Variants in IFT57 observed in about 807,000 individuals in gnomAD.
IFT57 encodes the protein intraflagellar transport 57, also known as intraflagellar transport protein 57 homolog.
Under a neutral mutation model 56.8 loss-of-function variants are expected in IFT57, and 59 were observed. The ratio of observed to expected loss-of-function variants is 1.04; its 90% CI spans 0.84 to 1.29. IFT57 has a LOEUF of 1.29. Among genes scored for constraint, IFT57 ranks in the 50% most tolerant of loss-of-function variants. The pLI is 0.00. For synonymous variants in IFT57, 209 were observed against 186.1 expected (o/e 1.12, Z -1.00); for missense variants, 470 against 522.1 (o/e 0.90, Z 0.97).
rs531579910 is a variant in IFT57, at chr3:108,194,760, A to G, written c.655-3117T>C. On this transcript the variant is annotated intron_variant, in intron 5 of 10. Coordinates refer to ENST00000264538, the MANE Select transcript of IFT57 (RefSeq NM_018010.4). ...GTGGAAAGGACAGTCTCTTCAATAC[A>G]TGGTGCTGGAAAAACTGGATATTCA... Among the ~76,000 whole-genome samples the G allele has an allele frequency of 2.6e-5, 4 of 152,322 alleles. No individual in the cohort carries two copies. In the East Asian group the frequency reaches 7.7e-4, roughly 29 times the overall value.
chr3:108,193,762 C>T (rs760326384), intron 5 of IFT57, among the ~76,000 whole-genome samples: 20 of 151,956 alleles, frequency 1.3e-4, no homozygotes, highest in African/African-American at 4.4e-4. Context: ...TGTGTCAAAA[C>T]CTAAAGCAAT....
At chr3:108,207,020 C>T (rs553070545) in intron 4 of IFT57, among the ~76,000 whole-genome samples, 26 of 152,196 alleles carry the variant, frequency 1.7e-4, no homozygotes, top group African/African-American at 6.3e-4. Flanking sequence ...GGGCAAGAAA[C>T]AAACCCAAGT....
At chr3:108,190,013 C>T (rs2080206299) in intron 6 of IFT57, among the ~76,000 whole-genome samples, 1 of 152,038 alleles carries the variant, frequency 6.6e-6, no homozygotes, top group African/African-American at 2.4e-5. Flanking sequence ...CTTGCTGTCT[C>T]AGAGGTGGCA....
At chr3:108,198,002 A>G (rs947645437) in intron 5 of IFT57, among the ~76,000 whole-genome samples, 2 of 152,210 alleles carry the variant, frequency 1.3e-5, no homozygotes, top group African/African-American at 4.8e-5. Context: ...AGTTATTATC[A>G]TTACTATTAC....
At chr3:108,179,677 A>C in intron 6 of IFT57, among the ~76,000 whole-genome samples, 1 of 152,004 alleles carries the variant, frequency 6.6e-6, no homozygotes, top group East Asian at 1.9e-4. Flanking sequence ...AAAGAGAGTG[A>C]GACTGTCTAT....
intron 5 of IFT57, among the ~76,000 whole-genome samples, chr3:108,201,513 C>A (rs1254641481): frequency 2.6e-5 from 4 of 152,072 alleles, no homozygotes; most frequent in Non-Finnish European, 1.5e-5. Flanking sequence ...ATAATGTGTC[C>A]CATCACACTC....
intron 6 of IFT57, among the ~76,000 whole-genome samples, chr3:108,181,572 T>A (rs2080151202): frequency 6.6e-6 from 1 of 152,140 alleles, no homozygotes; most frequent in South Asian, 2.1e-4. Context: ...AAAATGTATG[T>A]GTGTCTAGTT....
chr3:108,183,147 T>C (rs2108314516), intron 6 of IFT57, among the ~76,000 whole-genome samples: 1 of 152,182 alleles, frequency 6.6e-6, no homozygotes, highest in Middle Eastern at 3.4e-3. Flanking sequence ...ATAAATATTA[T>C]TAATGATTAT....
At chr3:108,193,213 T>C (rs111678683) in intron 5 of IFT57, among the ~76,000 whole-genome samples, 9 of 152,338 alleles carry the variant, frequency 5.9e-5, no homozygotes, top group South Asian at 2.1e-4. Flanking sequence ...AGAAGATTAA[T>C]CTTACATTAG....
chr3:108,164,547 T>TA (rs1317618564), intron 9 of IFT57, among the ~76,000 whole-genome samples: 3 of 150,936 alleles, frequency 2.0e-5, no homozygotes, highest in African/African-American at 7.3e-5. Context: ...TCTGAAATGT[T>TA]ACAACTGGGG....
At chr3:108,205,818 T>C (rs1443640338) in intron 5 of IFT57, among the ~76,000 whole-genome samples, 1 of 103,432 alleles carries the variant, frequency 9.7e-6, no homozygotes, top group African/African-American at 3.3e-5. Context: ...TAGCATATTA[T>C]ATATTATTTA....
intron 3 of IFT57, among the ~76,000 whole-genome samples, chr3:108,215,953 C>T (rs1179157072): frequency 6.6e-6 from 1 of 152,026 alleles, no homozygotes; most frequent in African/African-American, 2.4e-5. Context: ...GAAACTAGAC[C>T]CTTACCTCTA....
intron 5 of IFT57, among the ~76,000 whole-genome samples, chr3:108,202,385 G>C (rs893907762): frequency 1.3e-5 from 2 of 152,186 alleles, no homozygotes; most frequent in African/African-American, 2.4e-5. Flanking sequence ...CTCATCACTA[G>C]AGTCTTCCTT....
chr3:108,187,954 T>TTTTA (rs1204278117), intron 6 of IFT57, among the ~76,000 whole-genome samples: 4 of 151,910 alleles, frequency 2.6e-5, no homozygotes, highest in African/African-American at 9.7e-5. Flanking sequence ...TTTTTTTTTT[T>TTTTA]ATACTTTAAG....
chr3:108,169,852 A>G (rs1174561482), intron 6 of IFT57, among the ~76,000 whole-genome samples: 2 of 152,028 alleles, frequency 1.3e-5, no homozygotes, highest in Non-Finnish European at 2.9e-5. Context: ...ACATACACAA[A>G]TCAATAAATG....
Position 108,167,781 on chromosome 3 carries a change from TA to T in IFT57, c.849+11del. Reference sequence around the variant, plus strand: ...TAAATGTACATTGATTCACGTAAAGTAATTCATATACCTTGGTCTCCTTTAG... The same window carrying T: ...TAAATGTACATTGATTCACGTAAAGTATTCATATACCTTGGTCTCCTTTAG... On this transcript the variant is annotated intron_variant, in intron 7 of 10. Transcript: ENST00000264538. 1 of 1,521,704 alleles carries T rather than the reference TA, an allele frequency of 6.6e-7. No individual in the cohort carries two copies. The highest frequency in any genetic ancestry group is 8.9e-7 in the Non-Finnish European group (1 of 1,123,806). 94.3% of individuals were successfully genotyped at this position (1,521,704 alleles called of 1,614,324 possible).
chr3:108,192,351 C>T (rs9832818), intron 5 of IFT57, among the ~76,000 whole-genome samples: 14,615 of 151,842 alleles, frequency 0.096, 754 homozygotes, highest in Middle Eastern at 0.12. Context: ...TAGCTTAAAG[C>T]GTAATTTAAT....
intron 6 of IFT57, among the ~76,000 whole-genome samples, chr3:108,184,223 G>C (rs558171030): frequency 8.5e-5 from 13 of 152,186 alleles, no homozygotes; most frequent in African/African-American, 3.1e-4. Flanking sequence ...TGCATCTTTA[G>C]ACACATTATT....
intron 6 of IFT57, among the ~76,000 whole-genome samples, chr3:108,170,977 AG>A: frequency 6.6e-6 from 1 of 152,084 alleles, no homozygotes; most frequent in Non-Finnish European, 1.5e-5. Context: ...AGAAAAATAC[AG>A]TAAGTTAAAG....
Sources: allele counts gnomAD v4.1 joint callset (sites outside exome capture counted in the v4.1 genomes callset), GRCh38; gene constraint gnomAD v4.1.1; transcripts MANE v1.5; gene names NCBI Gene and HGNC (gene_info 2026-07-23, HGNC 2026-07-21).